Variants in SKAP1 observed in about 807,000 individuals in gnomAD.
SKAP1 encodes src kinase associated phosphoprotein 1.
SKAP1 carries 44 observed loss-of-function variants against 58.5 expected under a neutral mutation model. The observed-to-expected ratio is 0.75, with a 90% CI of 0.59 to 0.97. The LOEUF (loss-of-function observed/expected upper bound fraction) is 0.97. Among genes scored for constraint, SKAP1 ranks in the 50% least tolerant of loss-of-function variants. The pLI is 0.00. For synonymous variants in SKAP1, 127 were observed against 149.7 expected, an observed-to-expected ratio of 0.85 and a Z score of 1.11; for missense variants, 390 against 435.2, an observed-to-expected ratio of 0.90 and a Z score of 0.92.
chr17:48,442,652 G>T, the SKAP1 span, among the ~76,000 whole-genome samples: 1 of 152,064 alleles, frequency 6.6e-6, no homozygotes, highest in Non-Finnish European at 1.5e-5. Flanking sequence ...CTGGAACCCT[G>T]GGGGGTCATC....
At chr17:48,335,689 T>A (rs1361347084) in intron 4 of SKAP1, among the ~76,000 whole-genome samples, 1 of 152,062 alleles carries the variant, frequency 6.6e-6, no homozygotes, top group Non-Finnish European at 1.5e-5. Context: ...GCTAACCACA[T>A]CCATTTGTAA....
chr17:48,394,062 C>A (rs893652354), intron 2 of SKAP1, among the ~76,000 whole-genome samples: 1 of 151,760 alleles, frequency 6.6e-6, no homozygotes, highest in Non-Finnish European at 1.5e-5. Context: ...ACAGTGACAC[C>A]CTGTCTCTAC....
chr17:48,317,257 T>C (rs1301415281), intron 4 of SKAP1, among the ~76,000 whole-genome samples: 1 of 152,214 alleles, frequency 6.6e-6, no homozygotes, highest in East Asian at 1.9e-4. Flanking sequence ...GGAAAAAAAG[T>C]ATCTCAATGT....
At chr17:48,144,901 C>T (rs1310400707) in intron 11 of SKAP1, among the ~76,000 whole-genome samples, 2 of 152,162 alleles carry the variant, frequency 1.3e-5, no homozygotes, top group African/African-American at 4.8e-5. Context: ...GGTAGGGATG[C>T]ACATCTACAA....
At chr17:48,401,720 C>T (rs2067500903) in intron 1 of SKAP1, among the ~76,000 whole-genome samples, 1 of 151,698 alleles carries the variant, frequency 6.6e-6, no homozygotes, top group African/African-American at 2.4e-5. Flanking sequence ...GTAATGGTTT[C>T]TTAGATATGA....
intron 4 of SKAP1, among the ~76,000 whole-genome samples, chr17:48,191,378 A>G (rs1352581747): frequency 2.8e-4 from 43 of 152,220 alleles, no homozygotes; most frequent in Admixed American, 2.8e-3. Context: ...TCTCTTTTGG[A>G]TTGTCTTAAA....
intron 9 of SKAP1, among the ~76,000 whole-genome samples, chr17:48,174,920 TC>T (rs1347423297): frequency 6.6e-6 from 1 of 152,228 alleles, no homozygotes; most frequent in African/African-American, 2.4e-5. Flanking sequence ...CCCAAATATC[TC>T]ATCTCAATTG....
chr17:48,418,826 C>A (rs543370365), intron 1 of SKAP1, among the ~76,000 whole-genome samples: 2 of 152,240 alleles, frequency 1.3e-5, no homozygotes, highest in East Asian at 3.9e-4. Flanking sequence ...GTGTGGACAA[C>A]AGATACAAAA....
At chr17:48,229,155 G>A (rs944462794) in intron 4 of SKAP1, among the ~76,000 whole-genome samples, 4 of 151,920 alleles carry the variant, frequency 2.6e-5, no homozygotes, top group Non-Finnish European at 4.4e-5. Context: ...AAAGACCTGC[G>A]GTTAAGTATG....
chr17:48,390,609 A>G (rs2067332671), intron 2 of SKAP1, among the ~76,000 whole-genome samples: 2 of 152,222 alleles, frequency 1.3e-5, no homozygotes, highest in Non-Finnish European at 2.9e-5. Flanking sequence ...GTTAAAGAGT[A>G]CGGCTCAGCT....
intron 4 of SKAP1, among the ~76,000 whole-genome samples, chr17:48,305,930 G>A (rs932520095): frequency 2.6e-5 from 4 of 151,876 alleles, no homozygotes; most frequent in Admixed American, 2.6e-4. Context: ...ACTACCTCAT[G>A]GGCTCTCTAA....
At chr17:48,162,378 G>A in intron 11 of SKAP1, 91 bp downstream of exon 11, 2 of 703,214 alleles carry the variant, frequency 2.8e-6, no homozygotes, top group Non-Finnish European at 4.8e-6. Context: ...GCCATGGGAA[G>A]TGTATGACAT....
At chr17:48,441,761 T>C in the SKAP1 span, among the ~76,000 whole-genome samples, 1 of 152,160 alleles carries the variant, frequency 6.6e-6, no homozygotes, top group Non-Finnish European at 1.5e-5. Context: ...GAACATCTGG[T>C]CTGACATTAT....
chr17:48,316,660 T>G (rs1326945013), intron 4 of SKAP1, among the ~76,000 whole-genome samples: 1 of 152,226 alleles, frequency 6.6e-6, no homozygotes, highest in Non-Finnish European at 1.5e-5. Flanking sequence ...TCTAAGGTCG[T>G]GCACATAGTA....
chr17:48,415,989 T>G (rs1243025348), intron 1 of SKAP1, among the ~76,000 whole-genome samples: 1 of 152,168 alleles, frequency 6.6e-6, no homozygotes, highest in Non-Finnish European at 1.5e-5. Flanking sequence ...TTGTCTATAG[T>G]CCTCTTCTCT....
chr17:48,398,178 C>A (rs1446443199), intron 1 of SKAP1, among the ~76,000 whole-genome samples: 1 of 152,188 alleles, frequency 6.6e-6, no homozygotes, highest in African/African-American at 2.4e-5. Flanking sequence ...GCAAGTGAAG[C>A]TTCATCTGTA....
At chr17:48,206,264 TAAAGGATATAAC>T (rs1246756713) in intron 4 of SKAP1, among the ~76,000 whole-genome samples, 1 of 152,100 alleles carries the variant, frequency 6.6e-6, no homozygotes, top group African/African-American at 2.4e-5. Flanking sequence ...TGGTTTATTA[TAAAGGATATAAC>T]AAAGGATATA....
At chr17:48,421,701 C>T (rs924435148) in intron 1 of SKAP1, among the ~76,000 whole-genome samples, 18 of 152,190 alleles carry the variant, frequency 1.2e-4, no homozygotes, top group Non-Finnish European at 2.4e-4. Context: ...CAAGTGCCAT[C>T]TCAGAGAATC....
chr17:48,287,976 C>A (rs1225041409), intron 4 of SKAP1, among the ~76,000 whole-genome samples: 1 of 152,058 alleles, frequency 6.6e-6, no homozygotes, highest in Non-Finnish European at 1.5e-5. Flanking sequence ...CAAAGCTAAG[C>A]CATAAACTTG....
Sources: gnomAD v4.1 joint callset for allele counts (sites outside exome capture counted in the v4.1 genomes callset) on GRCh38, gnomAD v4.1.1 for gene constraint, MANE v1.5 for transcripts, NCBI Gene and HGNC (gene_info 2026-07-23, HGNC 2026-07-21) for gene names.